The following CFAP61 variants were observed in gnomAD, a reference collection of about 807,000 sequenced individuals.
The protein encoded by CFAP61 is cilia and flagella associated protein 61, also known as cilia- and flagella-associated protein 61.
CFAP61 carries 107 observed loss-of-function variants against 135.6 expected under a neutral mutation model. That is an observed-to-expected ratio of 0.79 (90% CI 0.67 to 0.93). The LOEUF (loss-of-function observed/expected upper bound fraction) is 0.93, where lower values mean the gene tolerates loss of function less well. Among genes scored for constraint, CFAP61 ranks in the 40% least tolerant of loss-of-function variants. The pLI, the probability that CFAP61 is intolerant of heterozygous loss-of-function variation, is 0.00. For missense variants in CFAP61, 1,507 were observed against 1,556.2 expected (o/e 0.97, Z 0.53); for synonymous variants, 575 against 578.5 (o/e 0.99, Z 0.09).
intron 18 of CFAP61, chr20:20,232,888 A>T (rs1316483981): frequency 6.6e-6 from 1 of 152,156 alleles, no homozygotes; most frequent in African/African-American, 2.4e-5. Flanking sequence ...GATTCATAGG[A>T]AGCACCGGTG....
At chr20:20,294,937 A>AATAAT (rs2055297457) in intron 24 of CFAP61, among the ~76,000 whole-genome samples, 161 of 142,906 alleles carry the variant, frequency 1.1e-3, no homozygotes, top group African/African-American at 4.1e-3. Flanking sequence ...TCCGTCTCAA[A>AATAAT]AATAATAATA....
chr20:20,244,699 C>T (rs1245651241), intron 18 of CFAP61, among the ~76,000 whole-genome samples: 1 of 152,240 alleles, frequency 6.6e-6, no homozygotes, highest in Non-Finnish European at 1.5e-5. Context: ...CTCCTTGTTA[C>T]TTATGCACAT....
intron 10 of CFAP61, among the ~76,000 whole-genome samples, chr20:20,163,300 G>C (rs1019480043): frequency 1.3e-5 from 2 of 152,144 alleles, no homozygotes; most frequent in African/African-American, 4.8e-5. Flanking sequence ...AACAGCCTCA[G>C]CCCTGACTTT....
intron 13 of CFAP61, among the ~76,000 whole-genome samples, chr20:20,183,019 G>A (rs1479240970): frequency 6.6e-6 from 1 of 152,184 alleles, no homozygotes; most frequent in Non-Finnish European, 1.5e-5. Flanking sequence ...TCTAGTTAAA[G>A]CGAAAACAAA....
intron 20 of CFAP61, among the ~76,000 whole-genome samples, chr20:20,254,885 T>A (rs1379430579): frequency 3.3e-5 from 5 of 152,202 alleles, no homozygotes; most frequent in Non-Finnish European, 5.9e-5. Context: ...TATTACAAAA[T>A]CCATGCACAA....
At position 20,298,222 on chromosome 20, in the gene CFAP61, C is replaced by G. The variant is rs1187014371; in HGVS notation, c.3258C>G (p.Tyr1086Ter). ...CCGGCAGTGCGAAAAATGGGACTTA[C>G]TTCCGAATTCATATTAACAAGTATA... ...LVTGSAKNGT[Y>*]FRIHINKYKM... Residue 1086 changes from tyrosine (Y) to a stop codon, truncating the protein, a stop_gained, in exon 25 of 27, where the codon TAC (tyrosine) becomes TAG (stop). Transcript: ENST00000245957. LOFTEE classifies it high-confidence loss of function. 4 of 1,614,160 alleles carry G rather than the reference C, an allele frequency of 2.5e-6. No homozygotes were observed. The South Asian group carries it at 3.3e-5, about 13-fold the overall frequency.
intron 22 of CFAP61, among the ~76,000 whole-genome samples, chr20:20,277,987 G>A (rs78281220): frequency 0.015 from 2,280 of 152,280 alleles, 52 homozygotes; most frequent in African/African-American, 0.052. Context: ...CTGAAATCAA[G>A]CAGCATTCCT....
intron 25 of CFAP61, among the ~76,000 whole-genome samples, chr20:20,314,998 T>C (rs35774259): frequency 0.048 from 4,195 of 86,756 alleles, 277 homozygotes; most frequent in African/African-American, 0.14. Flanking sequence ...AATAAACATA[T>C]GTGTGCATGT....
intron 25 of CFAP61, among the ~76,000 whole-genome samples, chr20:20,310,339 A>G (rs2056744980): frequency 6.6e-6 from 1 of 152,160 alleles, no homozygotes; most frequent in African/African-American, 2.4e-5. Flanking sequence ...TTCTGGTTTT[A>G]ACTAAACTAA....
Position 20,353,237 on chromosome 20 carries a change from C to T in CFAP61, c.3514-6973C>T, listed in dbSNP as rs569536253. On this transcript the variant is annotated intron_variant, in intron 26 of 26. Coordinates refer to ENST00000245957, the MANE Select transcript of CFAP61 (RefSeq NM_015585.4). The stretch of plus-strand genomic sequence containing the variant: ...GCATTGTGGGTTTTCACCAGGTACA[C>T]TGGAGTTCAAAGATCAGAAAAAAAC... 2.0e-5 allele frequency among the ~76,000 whole-genome samples: 3 copies of T among 152,242 alleles called. No individual in the cohort carries two copies. The East Asian group carries it at 5.8e-4, about 29-fold the overall frequency.
intron 17 of CFAP61, among the ~76,000 whole-genome samples, chr20:20,224,562 A>G (rs2048600921): frequency 6.6e-6 from 1 of 152,114 alleles, no homozygotes; most frequent in Non-Finnish European, 1.5e-5. Context: ...TTGCTGGGTT[A>G]CTGTTGATCT....
At chr20:20,253,686 T>G in intron 20 of CFAP61, 2 of 395,476 alleles carry the variant, frequency 5.1e-6, no homozygotes, top group Admixed American at 5.3e-5. Flanking sequence ...TGGTACACAC[T>G]GTCTCTGTCA....
chr20:20,160,321 C>G (rs1322373419), intron 10 of CFAP61, among the ~76,000 whole-genome samples: 3 of 152,190 alleles, frequency 2.0e-5, no homozygotes, highest in Non-Finnish European at 4.4e-5. Context: ...CATAGAGGCA[C>G]TGGGACAGAT....
intron 25 of CFAP61, among the ~76,000 whole-genome samples, chr20:20,326,763 T>C (rs566218058): frequency 2.0e-5 from 3 of 152,316 alleles, no homozygotes; most frequent in Non-Finnish European, 4.4e-5. Flanking sequence ...ACATTATAAG[T>C]TGGCTTGATA....
At position 20,298,318 on chromosome 20, in the gene CFAP61, C is replaced by T. The variant is rs2055803096; in HGVS notation, c.3354C>T (p.Gly1118=). 3.7e-6 allele frequency: 6 copies of T among 1,614,018 alleles called. No individual in the cohort carries two copies. The highest frequency in any genetic ancestry group is 1.3e-5 in the African/African-American group (1 of 74,922). The change falls in exon 25 of 27, where the codon GGC becomes GGT. Residue 1118 remains glycine (G), a synonymous_variant. Coordinates refer to ENST00000245957, the MANE Select transcript of CFAP61 (RefSeq NM_015585.4). The part of the protein sequence containing the change: ...FPASNYIRLF[G]QHEQLLNNLC... ...CCTCCAACTACATCCGCTTGTTTGG[C>T]CAGCACGAGCAACTCCTCAACAACC... is the stretch of plus-strand genomic sequence containing the variant.
chr20:20,287,160 C>T (rs961101631), intron 22 of CFAP61, among the ~76,000 whole-genome samples: 2 of 150,612 alleles, frequency 1.3e-5, no homozygotes. Context: ...ATATATTTTC[C>T]TGTGGCCACT....
chr20:20,142,734 C>G lies in CFAP61; in HGVS notation c.860-123C>G, dbSNP rs1161897665. The G allele has an allele frequency of 7.6e-6, 5 of 656,080 alleles. No individual in the cohort carries two copies. The African/African-American group carries it at 9.2e-5, about 12-fold the overall frequency. The allele number at this position is 656,080 out of a possible 1,614,324, so 40.6% of individuals were successfully genotyped here. On this transcript the variant is annotated intron_variant, in intron 8 of 26. Coordinates refer to ENST00000245957, the MANE Select transcript of CFAP61 (RefSeq NM_015585.4). ...TCTTCCCACCTCAAGGTACTGCTCT[C>G]TAGAATAAAATTCTTTAGATCCATT...
At chr20:20,340,916 C>T (rs1030084422) in intron 25 of CFAP61, among the ~76,000 whole-genome samples, 1 of 152,180 alleles carries the variant, frequency 6.6e-6, no homozygotes, top group African/African-American at 2.4e-5. Context: ...CACAGACTCT[C>T]GGCGTCGTAT....
chr20:20,247,238 C>T (rs761288437), intron 19 of CFAP61, among the ~76,000 whole-genome samples: 4 of 152,190 alleles, frequency 2.6e-5, no homozygotes, highest in Non-Finnish European at 4.4e-5. Flanking sequence ...TACACGATTC[C>T]CAGGAAATGC....
Sources: gnomAD v4.1 joint callset for allele counts (sites outside exome capture counted in the v4.1 genomes callset) on GRCh38, gnomAD v4.1.1 for gene constraint, MANE v1.5 for transcripts, NCBI Gene and HGNC (gene_info 2026-07-23, HGNC 2026-07-21) for gene names.